Variants in PRRC1 observed in about 807,000 individuals in gnomAD.
PRRC1 encodes protein PRRC1.
A neutral mutation model predicts 40.7 loss-of-function variants in PRRC1; 39 were observed. That is an observed-to-expected ratio of 0.96 (90% CI 0.74 to 1.25). The LOEUF is 1.25. Ranked by LOEUF, PRRC1 falls within the 50% of genes most tolerant of loss-of-function variation. The pLI is 0.00. For synonymous variants in PRRC1, 175 were observed against 193.3 expected (o/e 0.91, Z 0.79); for missense variants, 573 against 548.3 (o/e 1.05, Z -0.45).
chr5:127,526,647 G>A lies in PRRC1; in HGVS notation c.523G>A (p.Ala175Thr). The change falls in exon 4 of 9, where the codon GCC (alanine) becomes ACC (threonine). Residue 175 changes from alanine to threonine, a missense_variant. Transcript: ENST00000296666. ...TTTGCCAACTCCTATTACTCAGCAA[G>A]CCAGTTTGACATCTCTGGCACAGGG... ...GLLPTPITQQ[A>T]SLTSLAQGTG... 1.2e-6 allele frequency: 2 copies of A among 1,612,888 alleles called. No individual in the cohort carries two copies. Among genetic ancestry groups the A allele is most frequent in the Non-Finnish European group, 1.7e-6 (2 of 1,179,408 alleles).
In PRRC1 at chr5:127,524,885, C is replaced by T; in HGVS notation, c.458C>T (p.Pro153Leu). The stretch of plus-strand genomic sequence containing the variant: ...CATGCTGGGAGAGCTCCCCAGACAC[C>T]CCTGATGCCATCATTTTCTGCACCT... Reference protein sequence around the residue: ...RGHAGRAPQTPLMPSFSAPSG... With the variant: ...RGHAGRAPQTLLMPSFSAPSG... The change falls in exon 3 of 9, where the codon CCC becomes CTC. Residue 153 changes from proline (P) to leucine (L), a missense_variant. Pro to Leu is a moderately conservative substitution (Grantham distance 98, BLOSUM62 -3). Coordinates refer to ENST00000296666, the MANE Select transcript of PRRC1 (RefSeq NM_130809.5). 6.2e-7 allele frequency: 1 copy of T among 1,609,522 alleles called. No homozygotes were observed. Among genetic ancestry groups the T allele is most frequent in the South Asian group, 1.1e-5 (1 of 90,816 alleles).
At chr5:127,537,670 CTGAGA>C (rs1490356904) in intron 6 of PRRC1, among the ~76,000 whole-genome samples, 7 of 152,044 alleles carry the variant, frequency 4.6e-5, no homozygotes, top group African/African-American at 1.7e-4. Flanking sequence ...TAGTGCATAG[CTGAGA>C]TATCACCTGC....
intron 8 of PRRC1, chr5:127,550,210 T>C (rs1049136027): frequency 1.3e-5 from 2 of 152,166 alleles, no homozygotes; most frequent in African/African-American, 4.8e-5. Flanking sequence ...TGCTTTTTAT[T>C]CTGTTTGTTT....
chr5:127,548,249 TCCCTTTTA>T, intron 8 of PRRC1: 1 of 488,244 alleles, frequency 2.0e-6, no homozygotes, highest in Admixed American at 3.8e-5. Flanking sequence ...TCGTTTGCTT[TCCCTTTTA>T]TCTCACATTT....
At chr5:127,541,205 T>C (rs556296739) in intron 7 of PRRC1, among the ~76,000 whole-genome samples, 27 of 152,346 alleles carry the variant, frequency 1.8e-4, no homozygotes, top group Admixed American at 1.5e-3. Context: ...GAACCAGCCT[T>C]TCTTCCCAGG....
intron 3 of PRRC1, among the ~76,000 whole-genome samples, chr5:127,526,088 C>T (rs1041511849): frequency 2.0e-5 from 3 of 152,172 alleles, no homozygotes; most frequent in Admixed American, 1.3e-4. Context: ...TCATCCTCTG[C>T]CTGTTGTTTC....
At chr5:127,518,183 G>A (rs1459961412) in intron 1 of PRRC1, among the ~76,000 whole-genome samples, 2 of 152,236 alleles carry the variant, frequency 1.3e-5, no homozygotes, top group Admixed American at 1.3e-4. Flanking sequence ...GCCTGGAGAC[G>A]TGGCAGAGCC....
intron 6 of PRRC1, among the ~76,000 whole-genome samples, chr5:127,536,451 T>C (rs551294107): frequency 6.6e-6 from 1 of 152,218 alleles, no homozygotes; most frequent in South Asian, 2.1e-4. Flanking sequence ...ATTGAGAATG[T>C]ATTTGAAGAT....
chr5:127,522,838 A>G (rs1485245221), intron 1 of PRRC1, among the ~76,000 whole-genome samples: 1 of 151,990 alleles, frequency 6.6e-6, no homozygotes, highest in Non-Finnish European at 1.5e-5. Context: ...TGGTGCAGTC[A>G]TAGCTCACTG....
intron 6 of PRRC1, among the ~76,000 whole-genome samples, chr5:127,537,046 C>A (rs903617760): frequency 6.6e-6 from 1 of 151,846 alleles, no homozygotes; most frequent in Non-Finnish European, 1.5e-5. Context: ...GGAAGTAAAT[C>A]AGTTCAGCCA....
At chr5:127,531,617 CTTTTTTTTT>C (rs60179366) in intron 5 of PRRC1, among the ~76,000 whole-genome samples, 1 of 99,678 alleles carries the variant, frequency 1.0e-5, no homozygotes. Flanking sequence ...TCTTCTTCTT[CTTTTTTTTT>C]TTTTTTTTTT....
Position 127,552,340 on chromosome 5 carries a change from T to C in PRRC1, c.*424T>C, listed in dbSNP as rs1322676269. The stretch of plus-strand genomic sequence containing the variant: ...TTTGGCTTCATCTCTTTTCTGTCAG[T>C]CTTTGACTACTTTTGTATGTGCACA... On this transcript the variant is annotated 3_prime_UTR_variant, in exon 9 of 9. Transcript: ENST00000296666. 1 of 1,021,206 alleles carries C rather than the reference T, an allele frequency of 9.8e-7. No homozygotes were observed. The highest frequency in any genetic ancestry group is 1.2e-6 in the Non-Finnish European group (1 of 850,478). 63.3% of individuals were successfully genotyped at this position (1,021,206 alleles called of 1,614,324 possible).
At chr5:127,544,313 G>C (rs1241107127) in intron 7 of PRRC1, among the ~76,000 whole-genome samples, 1 of 152,212 alleles carries the variant, frequency 6.6e-6, no homozygotes, top group African/African-American at 2.4e-5. Flanking sequence ...CAGTTAGGCT[G>C]CTCGGGGGTC....
At chr5:127,526,500 G>A (rs1216444523) in intron 3 of PRRC1, 118 bp from the exon 4 acceptor site, 2 of 673,794 alleles carry the variant, frequency 3.0e-6, no homozygotes, top group African/African-American at 3.7e-5. Context: ...ATCTTTGATT[G>A]TATAACTCAG....
chr5:127,547,962 A>G lies in PRRC1; in HGVS notation c.1128+41A>G, dbSNP rs752285932. 3.6e-5 allele frequency: 43 copies of G among 1,201,448 alleles called. No homozygotes were observed. In the Middle Eastern group the frequency reaches 5.7e-4, roughly 16 times the overall value. The allele number at this position is 1,201,448 out of a possible 1,614,324, so 74.4% of individuals were successfully genotyped here. ...TGCTTTTTCATTATGCTCCAGAGAAACTTACACTATTGTTTTCAGAATAAA... is the reference window on the plus strand; with the variant it reads ...TGCTTTTTCATTATGCTCCAGAGAAGCTTACACTATTGTTTTCAGAATAAA... On this transcript the variant is annotated intron_variant, in intron 8 of 8. Transcript: ENST00000296666.
At chr5:127,530,428 TTTTTTTTTTAAGG>T (rs1416060721) in intron 5 of PRRC1, 32 bp downstream of exon 5, 9 of 1,178,568 alleles carry the variant, frequency 7.6e-6, no homozygotes, top group Non-Finnish European at 1.1e-5. Context: ...GTATCTGCCA[TTTTTTTTTTAAGG>T]GTATGTCCAC....
Position 127,553,071 on chromosome 5 carries a change from T to C in PRRC1, c.*1155T>C. 1.3e-6 allele frequency: 1 copy of C among 777,898 alleles called. No individual in the cohort carries two copies. The highest frequency in any genetic ancestry group is 1.6e-6 in the Non-Finnish European group (1 of 641,798). The allele number at this position is 777,898 out of a possible 1,614,324, so 48.2% of individuals were successfully genotyped here. ...TCTTAATACTGTTGGACTTTGTATATACAAGTTCAAATAACTTTTTCGAAG... is the reference window on the plus strand; with the variant it reads ...TCTTAATACTGTTGGACTTTGTATACACAAGTTCAAATAACTTTTTCGAAG... On this transcript the variant is annotated 3_prime_UTR_variant, in exon 9 of 9. Transcript: ENST00000296666.
intron 3 of PRRC1, among the ~76,000 whole-genome samples, chr5:127,525,835 T>C (rs1767601633): frequency 6.6e-6 from 1 of 152,298 alleles, no homozygotes; most frequent in East Asian, 1.9e-4. Context: ...TATTTGTGCA[T>C]TTATAGAGAA....
intron 4 of PRRC1, among the ~76,000 whole-genome samples, chr5:127,529,958 A>C (rs1310336590): frequency 1.3e-5 from 2 of 152,104 alleles, no homozygotes; most frequent in Non-Finnish European, 2.9e-5. Context: ...AGTTTTGCCC[A>C]ATCTTTTATA....
Sources: gnomAD v4.1 joint callset for allele counts (sites outside exome capture counted in the v4.1 genomes callset) on GRCh38, gnomAD v4.1.1 for gene constraint, MANE v1.5 for transcripts, NCBI Gene and HGNC (gene_info 2026-07-23, HGNC 2026-07-21) for gene names.